ARHGEF26: variants seen among roughly 807,000 people sequenced by gnomAD.
The protein encoded by ARHGEF26 is Rho guanine nucleotide exchange factor (GEF) 26.
ARHGEF26 carries 59 observed loss-of-function variants against 89.4 expected under a neutral mutation model. The observed-to-expected ratio is 0.66, with a 90% CI of 0.54 to 0.82. ARHGEF26 has a LOEUF of 0.82. ARHGEF26 is among the 40% of genes least tolerant of loss of function. The pLI is 0.00. For synonymous variants in ARHGEF26, 500 were observed against 428.4 expected, an observed-to-expected ratio of 1.17 and a Z score of -2.06; for missense variants, 1,234 against 1,085.6, an observed-to-expected ratio of 1.14 and a Z score of -1.92.
In ARHGEF26 at chr3:154,202,936, A is replaced by T. The variant is rs567040790; in HGVS notation, c.1845+8218A>T. 1.2e-4 allele frequency among the ~76,000 whole-genome samples: 19 copies of T among 152,298 alleles called. No individual in the cohort carries two copies. In the South Asian group the frequency reaches 3.7e-3, roughly 30 times the overall value. ...AGTTTTCTAGATATACAATCATGTC[A>T]TCTGCAAACAGGGACAATTTGACTT... On this transcript the variant is annotated intron_variant, in intron 9 of 14. Coordinates refer to ENST00000465093, the MANE Select transcript of ARHGEF26 (RefSeq NM_015595.4).
At chr3:154,124,371 C>CATTTTTTTTTTTTTTTTTTTTT in intron 2 of ARHGEF26, 39 bp from the exon 3 acceptor site, 1 of 977,570 alleles carries the variant, frequency 1.0e-6, no homozygotes, top group African/African-American at 2.5e-5. Context: ...GTTTGCTTTT[C>CATTTTTTTTTTTTTTTTTTTTT]CTTTTTTTTT....
intron 4 of ARHGEF26, among the ~76,000 whole-genome samples, chr3:154,147,710 C>G (rs1406562944): frequency 6.6e-6 from 1 of 152,184 alleles, no homozygotes; most frequent in African/African-American, 2.4e-5. Flanking sequence ...GATAAGGTCC[C>G]TGTGTCTGAA....
At chr3:154,133,060 TG>T (rs201276274) in intron 4 of ARHGEF26, among the ~76,000 whole-genome samples, 2,050 of 152,290 alleles carry the variant, frequency 0.013, 39 homozygotes, top group African/African-American at 0.047. Context: ...TGCAAATGCC[TG>T]CCTCCTGGGA....
chr3:154,198,894 A>C (rs912413443), intron 9 of ARHGEF26, among the ~76,000 whole-genome samples: 1 of 152,104 alleles, frequency 6.6e-6, no homozygotes, highest in African/African-American at 2.4e-5. Context: ...TTTATAGATA[A>C]GTAGATACAA....
chr3:154,164,508 T>C (rs1346005762), intron 6 of ARHGEF26, among the ~76,000 whole-genome samples: 1 of 152,108 alleles, frequency 6.6e-6, no homozygotes, highest in Non-Finnish European at 1.5e-5. Flanking sequence ...TGACTTGGAC[T>C]TTGAAAAAAA....
intron 9 of ARHGEF26, among the ~76,000 whole-genome samples, chr3:154,215,740 A>G (rs973547398): frequency 7.9e-5 from 12 of 152,144 alleles, no homozygotes; most frequent in Non-Finnish European, 1.8e-4. Flanking sequence ...AGAGAGAAGA[A>G]GAAAGCTATC....
intron 6 of ARHGEF26, 88 bp downstream of exon 6, chr3:154,153,020 T>C (rs1720119436): frequency 8.4e-7 from 1 of 1,195,060 alleles, no homozygotes; most frequent in South Asian, 2.4e-5. Flanking sequence ...GCATTTCTGG[T>C]TATCAAGTCT....
chr3:154,155,694 A>T (rs538388191), intron 6 of ARHGEF26, among the ~76,000 whole-genome samples: 1 of 152,022 alleles, frequency 6.6e-6, no homozygotes, highest in African/African-American at 2.4e-5. Context: ...TCAATAGAGT[A>T]TGTATGTATC....
chr3:154,226,405 T>C (rs1221657229), intron 11 of ARHGEF26, among the ~76,000 whole-genome samples: 3 of 152,222 alleles, frequency 2.0e-5, no homozygotes, highest in Admixed American at 6.5e-5. Flanking sequence ...GCAACTCTAG[T>C]GCTCCTTTTA....
chr3:154,226,907 A>T (rs929017987), intron 11 of ARHGEF26, among the ~76,000 whole-genome samples: 2 of 152,242 alleles, frequency 1.3e-5, no homozygotes, highest in East Asian at 3.8e-4. Context: ...GGTGCAATTT[A>T]GGCAAGGTGA....
chr3:154,250,069 C>T (rs975618737), intron 12 of ARHGEF26, among the ~76,000 whole-genome samples: 1 of 151,990 alleles, frequency 6.6e-6, no homozygotes, highest in Non-Finnish European at 1.5e-5. Context: ...TTGCTCTTGT[C>T]GCCTAGGCTG....
chr3:154,256,853 T>C lies in ARHGEF26; in HGVS notation c.*1380T>C. 6.5e-7 allele frequency: 1 copy of C among 1,533,632 alleles called. No individual in the cohort carries two copies. The highest frequency in any genetic ancestry group is 8.7e-7 in the Non-Finnish European group (1 of 1,146,040). ...TTAACTGTGAGTTTCTATAGAACTTTACTTTTTCCACTAGTGCACAGAGAG... is the reference window on the plus strand; with the variant it reads ...TTAACTGTGAGTTTCTATAGAACTTCACTTTTTCCACTAGTGCACAGAGAG... On this transcript the variant is annotated 3_prime_UTR_variant, in exon 15 of 15. Coordinates refer to ENST00000465093, the MANE Select transcript of ARHGEF26 (RefSeq NM_015595.4).
Position 154,122,119 on chromosome 3 carries a change from C to G in ARHGEF26, c.127C>G (p.Pro43Ala). The G allele has an allele frequency of 6.2e-7, 1 of 1,608,726 alleles. No individual in the cohort carries two copies. Among genetic ancestry groups the G allele is most frequent in the Non-Finnish European group, 8.5e-7 (1 of 1,177,506 alleles). Reference protein sequence around the residue: ...SKPRPQSYQSPNGLLITDFPV... With the variant: ...SKPRPQSYQSANGLLITDFPV... ...GCCGAGGCCCCAGTCCTACCAGAGCCCCAACGGGTTACTAATTACGGATTT... is the reference window on the plus strand; with the variant it reads ...GCCGAGGCCCCAGTCCTACCAGAGCGCCAACGGGTTACTAATTACGGATTT... The change falls in exon 2 of 15, where the codon CCC becomes GCC. Residue 43 changes from proline (P) to alanine (A), a missense_variant. Coordinates refer to ENST00000465093, the MANE Select transcript of ARHGEF26 (RefSeq NM_015595.4).
intron 6 of ARHGEF26, among the ~76,000 whole-genome samples, chr3:154,184,136 C>A (rs1383830428): frequency 6.6e-6 from 1 of 152,030 alleles, no homozygotes; most frequent in Non-Finnish European, 1.5e-5. Flanking sequence ...CCACCCCCGG[C>A]TAATTTTTTG....
At chr3:154,169,652 G>A (rs1420273082) in intron 6 of ARHGEF26, among the ~76,000 whole-genome samples, 1 of 152,180 alleles carries the variant, frequency 6.6e-6, no homozygotes, top group East Asian at 1.9e-4. Flanking sequence ...GAGTTCTAGT[G>A]CTGTACTGCT....
intron 10 of ARHGEF26, among the ~76,000 whole-genome samples, chr3:154,218,204 C>T (rs1715902136): frequency 6.6e-6 from 1 of 151,798 alleles, no homozygotes. Context: ...AGACACCAAG[C>T]TTAGGGGAAT....
At chr3:154,206,925 A>G (rs1245386293) in intron 9 of ARHGEF26, among the ~76,000 whole-genome samples, 2 of 152,148 alleles carry the variant, frequency 1.3e-5, no homozygotes, top group Non-Finnish European at 2.9e-5. Context: ...ACAAAGACCA[A>G]TGGAATAGAT....
At chr3:154,200,498 C>G (rs1576769026) in intron 9 of ARHGEF26, among the ~76,000 whole-genome samples, 1 of 152,138 alleles carries the variant, frequency 6.6e-6, no homozygotes, top group East Asian at 1.9e-4. Context: ...TAAAGTCATT[C>G]TTCCAATTTT....
intron 10 of ARHGEF26, 118 bp from the exon 11 acceptor site, chr3:154,225,738 C>T (rs897949848): frequency 9.2e-7 from 1 of 1,090,924 alleles, no homozygotes; most frequent in Non-Finnish European, 1.3e-6. Flanking sequence ...GCCTATAAAA[C>T]AATGATGCAT....
Sources: allele counts gnomAD v4.1 joint callset (sites outside exome capture counted in the v4.1 genomes callset), GRCh38; gene constraint gnomAD v4.1.1; transcripts MANE v1.5; gene names NCBI Gene and HGNC (gene_info 2026-07-23, HGNC 2026-07-21).